Variants in CSNK2A2IP observed in about 807,000 individuals in gnomAD.
CSNK2A2IP encodes casein kinase 2 subunit alpha' interacting protein.
the CSNK2A2IP span, among the ~76,000 whole-genome samples, chr3:88,462,114 C>CATATATAT: frequency 2.2e-3 from 311 of 143,154 alleles, no homozygotes; most frequent in African/African-American, 4.4e-3. Flanking sequence ...GAGTTTTTTT[C>CATATATAT]ATATATATAT....
At chr3:88,395,467 A>C in the CSNK2A2IP span, among the ~76,000 whole-genome samples, 1 of 152,334 alleles carries the variant, frequency 6.6e-6, no homozygotes, top group East Asian at 1.9e-4. Context: ...ATTTGTGAAC[A>C]TAAACTGATC....
At chr3:88,388,908 T>C in the CSNK2A2IP span, among the ~76,000 whole-genome samples, 1 of 152,018 alleles carries the variant, frequency 6.6e-6, no homozygotes, top group Non-Finnish European at 1.5e-5. Flanking sequence ...AATTGACTCA[T>C]TCATTTAACA....
chr3:88,427,784 T>G, the CSNK2A2IP span, among the ~76,000 whole-genome samples: 1 of 152,186 alleles, frequency 6.6e-6, no homozygotes, highest in African/African-American at 2.4e-5. Context: ...TATACCTGTA[T>G]GTCCAGGCAG....
the CSNK2A2IP span, among the ~76,000 whole-genome samples, chr3:88,384,491 A>G: frequency 6.6e-6 from 1 of 152,132 alleles, no homozygotes; most frequent in African/African-American, 2.4e-5. Context: ...GAGTGAGGAG[A>G]AAAAAGGAAG....
At chr3:88,464,721 A>G in the CSNK2A2IP span, among the ~76,000 whole-genome samples, 1 of 152,146 alleles carries the variant, frequency 6.6e-6, no homozygotes, top group Non-Finnish European at 1.5e-5. Context: ...TTTTTTTTAC[A>G]CAAAAACTTA....
the CSNK2A2IP span, among the ~76,000 whole-genome samples, chr3:88,464,166 T>G: frequency 9.9e-3 from 704 of 71,150 alleles, 6 homozygotes; most frequent in African/African-American, 0.036. Context: ...ACTGTTGTGG[T>G]GTGGGGGGAG....
the CSNK2A2IP span, among the ~76,000 whole-genome samples, chr3:88,443,284 A>G: frequency 6.6e-6 from 1 of 152,196 alleles, no homozygotes; most frequent in African/African-American, 2.4e-5. Flanking sequence ...TCTGGATTTT[A>G]CCTCAAGTAC....
chr3:88,353,606 T>C, the CSNK2A2IP span, among the ~76,000 whole-genome samples: 1 of 152,182 alleles, frequency 6.6e-6, no homozygotes, highest in East Asian at 1.9e-4. Flanking sequence ...TTAGGGGTTT[T>C]ATTGGATCTT....
chr3:88,382,511 C>T, the CSNK2A2IP span: 1 of 152,138 alleles, frequency 6.6e-6, no homozygotes, highest in African/African-American at 2.4e-5. Flanking sequence ...TACAAAATTC[C>T]AAAGGAGTTC....
the CSNK2A2IP span, among the ~76,000 whole-genome samples, chr3:88,351,504 AC>A: frequency 2.6e-5 from 4 of 152,080 alleles, no homozygotes; most frequent in African/African-American, 9.7e-5. Flanking sequence ...ATCCCATCCC[AC>A]TATCTAGTGA....
the CSNK2A2IP span, among the ~76,000 whole-genome samples, chr3:88,395,266 G>GA: frequency 6.6e-6 from 1 of 152,078 alleles, no homozygotes; most frequent in Non-Finnish European, 1.5e-5. Flanking sequence ...CAATAATCAT[G>GA]AAAAATTTCT....
the CSNK2A2IP span, among the ~76,000 whole-genome samples, chr3:88,460,954 G>A: frequency 4.5e-3 from 684 of 152,142 alleles, 3 homozygotes; most frequent in African/African-American, 0.015. Context: ...GGGCGTGGTG[G>A]TGCATGCCTG....
the CSNK2A2IP span, among the ~76,000 whole-genome samples, chr3:88,425,922 G>A: frequency 1.3e-5 from 2 of 152,094 alleles, no homozygotes; most frequent in Non-Finnish European, 2.9e-5. Context: ...CAATGAAGAA[G>A]CTGAAATCAT....
the CSNK2A2IP span, among the ~76,000 whole-genome samples, chr3:88,456,878 G>A: frequency 6.6e-6 from 1 of 151,900 alleles, no homozygotes. Flanking sequence ...AAGACTTGAC[G>A]TCAGGTAATT....
At chr3:88,363,695 G>A in the CSNK2A2IP span, among the ~76,000 whole-genome samples, 1 of 152,152 alleles carries the variant, frequency 6.6e-6, no homozygotes, top group African/African-American at 2.4e-5. Flanking sequence ...ATGCAGTTAA[G>A]TTACTTGGAA....
the CSNK2A2IP span, among the ~76,000 whole-genome samples, chr3:88,440,643 T>A: frequency 2.0e-5 from 3 of 152,238 alleles, no homozygotes; most frequent in Non-Finnish European, 4.4e-5. Context: ...TAAATGTGTT[T>A]CATCCAAATT....
the CSNK2A2IP span, among the ~76,000 whole-genome samples, chr3:88,352,432 T>G: frequency 6.6e-6 from 1 of 152,170 alleles, no homozygotes; most frequent in African/African-American, 2.4e-5. Flanking sequence ...ATATAAATTA[T>G]AGTAAAGAAA....
chr3:88,458,057 T>A, the CSNK2A2IP span, among the ~76,000 whole-genome samples: 2 of 151,874 alleles, frequency 1.3e-5, no homozygotes, highest in Admixed American at 1.3e-4. Context: ...TTCTTCAGGT[T>A]TTTTTGGTTA....
At chr3:88,451,101 T>C in the CSNK2A2IP span, among the ~76,000 whole-genome samples, 1 of 152,124 alleles carries the variant, frequency 6.6e-6, no homozygotes, top group South Asian at 2.1e-4. Context: ...TTATTATTTA[T>C]TGAAGTTTAT....
Sources: gnomAD v4.1 joint callset for allele counts (sites outside exome capture counted in the v4.1 genomes callset) on GRCh38, gnomAD v4.1.1 for gene constraint, MANE v1.5 for transcripts, NCBI Gene and HGNC (gene_info 2026-07-23, HGNC 2026-07-21) for gene names.